The following ZDHHC11 variants were observed in gnomAD, a reference collection of about 807,000 sequenced individuals.
The protein encoded by ZDHHC11 is zDHHC palmitoyltransferase 11.
Under a neutral mutation model 51.3 loss-of-function variants are expected in ZDHHC11, and 44 were observed. The observed-to-expected ratio is 0.86, with a 90% CI of 0.67 to 1.10. The LOEUF (loss-of-function observed/expected upper bound fraction) is 1.10, where lower values mean the gene tolerates loss of function less well. Among genes scored for constraint, ZDHHC11 ranks in the 50% least tolerant of loss-of-function variants. The pLI is 0.00. For missense variants in ZDHHC11, 400 were observed against 537.7 expected, an observed-to-expected ratio of 0.74 and a Z score of 2.53; for synonymous variants, 163 against 222.0, an observed-to-expected ratio of 0.73 and a Z score of 2.36.
At chr5:805,380 G>A (rs1739099029) in intron 11 of ZDHHC11, among the ~76,000 whole-genome samples, 1 of 150,830 alleles carries the variant, frequency 6.6e-6, no homozygotes, top group South Asian at 2.1e-4. Flanking sequence ...GGAGGTTGTA[G>A]TGAGTTATCA....
intron 6 of ZDHHC11, 43 bp from the exon 7 acceptor site, chr5:833,850 T>G: frequency 6.4e-7 from 1 of 1,569,970 alleles, no homozygotes. Flanking sequence ...AAAGAAGTTG[T>G]TGACATGCAG....
intron 6 of ZDHHC11, among the ~76,000 whole-genome samples, chr5:836,474 G>C (rs1214016851): frequency 6.7e-6 from 1 of 150,308 alleles, no homozygotes; most frequent in African/African-American, 2.5e-5. Flanking sequence ...TGAATATCTG[G>C]TTTGGTGTCA....
At chr5:845,608 C>A (rs1460950875) in intron 3 of ZDHHC11, among the ~76,000 whole-genome samples, 6 of 152,150 alleles carry the variant, frequency 3.9e-5, no homozygotes, top group Non-Finnish European at 4.4e-5. Flanking sequence ...ATGCAGCCTC[C>A]CTCACAGGGG....
intron 1 of ZDHHC11, among the ~76,000 whole-genome samples, chr5:856,769 C>G (rs1748315222): frequency 1.3e-5 from 2 of 151,638 alleles, no homozygotes; most frequent in Admixed American, 6.6e-5. Flanking sequence ...GAATACACAC[C>G]ACACACAGCA....
At chr5:818,731 C>T (rs1337848439) in intron 10 of ZDHHC11, among the ~76,000 whole-genome samples, 6 of 151,516 alleles carry the variant, frequency 4.0e-5, no homozygotes, top group African/African-American at 1.5e-4. Context: ...TGTGGTGGCA[C>T]ACGCCTGTAG....
chr5:816,312 G>T (rs1360369071), intron 10 of ZDHHC11: 2 of 312,988 alleles, frequency 6.4e-6, no homozygotes, highest in Middle Eastern at 8.7e-4. Flanking sequence ...AGATCACAAA[G>T]ATATTCTCTG....
At chr5:807,259 A>G (rs979282670) in intron 11 of ZDHHC11, among the ~76,000 whole-genome samples, 3 of 150,892 alleles carry the variant, frequency 2.0e-5, no homozygotes, top group Non-Finnish European at 3.0e-5. Context: ...CTGTTAAAAA[A>G]AAAAATGAAA....
At position 815,338 on chromosome 5, in the gene ZDHHC11, GC is replaced by G. The variant is rs1222988412; in HGVS notation, c.1147-544del. ...CCATGTGTGGTTCCTGCTTGTGGAA[GC>G]TCTAGCAAAGAAAAACACCTGCTAT... On this transcript the variant is annotated intron_variant, in intron 10 of 12. Coordinates refer to ENST00000283441, the MANE Select transcript of ZDHHC11 (RefSeq NM_024786.3). Among the ~76,000 whole-genome samples the G allele has an allele frequency of 8.0e-5, 12 of 149,626 alleles. No homozygotes were observed. The Admixed American group carries it at 8.1e-4, about 10-fold the overall frequency.
In ZDHHC11 at chr5:850,592, C is replaced by T. The variant is rs200545925; in HGVS notation, c.11G>A (p.Arg4His). Reference protein sequence around the residue: MDTRSGSQCSVTPE... With the variant: MDTHSGSQCSVTPE... ...GGTGACGGAACACTGGCTCCCGGAG[C>T]GGGTGTCCATCTGCAGGACACAGAA... is the stretch of plus-strand genomic sequence containing the variant. The change falls in exon 1 of 13, where the codon CGC (arginine) becomes CAC (histidine). Residue 4 changes from arginine (R) to histidine (H), a missense_variant. Physicochemically the swap from Arg to His is conservative, Grantham distance 29 (BLOSUM62 0). This residue lies in a region of ZDHHC11 where 119 missense variants were observed against 99.6 expected (regional missense o/e 1.20). Coordinates refer to ENST00000283441, the MANE Select transcript of ZDHHC11 (RefSeq NM_024786.3). 968 of 1,613,284 alleles carry T rather than the reference C, an allele frequency of 6.0e-4. 6 individuals carry two copies. The highest frequency in any genetic ancestry group is 2.1e-4 in the Non-Finnish European group (242 of 1,179,980).
At chr5:849,191 A>T (rs1452874653) in intron 1 of ZDHHC11, among the ~76,000 whole-genome samples, 5 of 152,188 alleles carry the variant, frequency 3.3e-5, no homozygotes, top group Non-Finnish European at 5.9e-5. Context: ...GCCCTGTGCC[A>T]GTCGGGGACC....
Position 850,425 on chromosome 5 carries a change from A to G in ZDHHC11, c.178T>C (p.Phe60Leu). 1 of 1,613,658 alleles carries G rather than the reference A, an allele frequency of 6.2e-7. No homozygotes were observed. The highest frequency in any genetic ancestry group is 1.3e-5 in the African/African-American group (1 of 75,066). ...CACGCGTGAGGCAGGAAGGGAATGA[A>G]GATCCCGAAGGTGGCCGAGGAAAGG... ...VGLSSATFGI[F>L]IPFLPHAWKY... Residue 60 changes from phenylalanine to leucine, a missense_variant, in exon 1 of 13, where the codon TTC (phenylalanine) becomes CTC (leucine). Phe to Leu is a conservative substitution (Grantham distance 22). This residue lies in a region of ZDHHC11 where 119 missense variants were observed against 99.6 expected (regional missense o/e 1.20). Coordinates refer to ENST00000283441, the MANE Select transcript of ZDHHC11 (RefSeq NM_024786.3).
At chr5:810,317 G>A (rs1241517476) in intron 11 of ZDHHC11, among the ~76,000 whole-genome samples, 1 of 148,300 alleles carries the variant, frequency 6.7e-6, no homozygotes, top group Non-Finnish European at 1.5e-5. Flanking sequence ...GTCTTCACAC[G>A]CGAAATCCTG....
intron 3 of ZDHHC11, among the ~76,000 whole-genome samples, chr5:845,059 G>C (rs181559395): frequency 1.3e-5 from 2 of 152,294 alleles, no homozygotes; most frequent in African/African-American, 4.8e-5. Flanking sequence ...CATGAATGCC[G>C]CAGTCCTCCG....
rs1252368514 is a variant in ZDHHC11, at chr5:848,791, C to T, written c.223-131G>A. 4.5e-6 allele frequency: 6 copies of T among 1,328,326 alleles called. No homozygotes were observed. In the African/African-American group the frequency reaches 7.4e-5, roughly 16 times the overall value. 82.3% of individuals were successfully genotyped at this position (1,328,326 alleles called of 1,614,324 possible). A position where few individuals can be genotyped will look rare whatever the true frequency, so the allele number is the denominator to read the frequency against. On this transcript the variant is annotated intron_variant, in intron 1 of 12. Coordinates refer to ENST00000283441, the MANE Select transcript of ZDHHC11 (RefSeq NM_024786.3). ...CTCACCCAGCCCTGCACACGTGAGC[C>T]CAGCTCACCCAGGCCTGGCCCTGCT...
At position 814,807 on chromosome 5, in the gene ZDHHC11, A is replaced by C; in HGVS notation, c.1147-12T>G. 2.0e-6 allele frequency: 3 copies of C among 1,537,640 alleles called. No individual in the cohort carries two copies. The highest frequency in any genetic ancestry group is 2.6e-6 in the Non-Finnish European group (3 of 1,143,390). On this transcript the variant is annotated splice_polypyrimidine_tract_variant and intron_variant, in intron 10 of 12. Transcript: ENST00000283441. ...GCATCATCTGCTTCCTGTGGGGGGAAGGGATGCAAAATTCATAGGATGAAC... is the reference window on the plus strand; with the variant it reads ...GCATCATCTGCTTCCTGTGGGGGGACGGGATGCAAAATTCATAGGATGAAC...
rs3867418 is a variant in ZDHHC11, at chr5:843,245, C to T, written c.628+355G>A. On this transcript the variant is annotated intron_variant, in intron 4 of 12. Coordinates refer to ENST00000283441, the MANE Select transcript of ZDHHC11 (RefSeq NM_024786.3). ...TGGGCTGCTCCTGCAGGATGGGCAC[C>T]CCCACCCTCCCACAACTACATGGCC... The T allele has an allele frequency of 2.3e-3, 936 of 405,946 alleles. 1 individual carries two copies. Among genetic ancestry groups the T allele is most frequent in the African/African-American group, 0.011 (463 of 43,114 alleles). The allele number at this position is 405,946 out of a possible 1,614,324, so 25.1% of individuals were successfully genotyped here.
chr5:818,695 A>T (rs1301947493), intron 10 of ZDHHC11, among the ~76,000 whole-genome samples: 3 of 151,444 alleles, frequency 2.0e-5, no homozygotes, highest in Non-Finnish European at 4.4e-5. Context: ...CCCATCTCTT[A>T]AGAAATAAGA....
intron 1 of ZDHHC11, among the ~76,000 whole-genome samples, chr5:849,989 AGGCTGCCGACCTGCGGGGCAT>A (rs934673080): frequency 6.6e-6 from 1 of 152,226 alleles, no homozygotes; most frequent in African/African-American, 2.4e-5. Context: ...ATGGAAACGC[AGGCTGCCGACCTGCGGGGCAT>A]GGCGCTGTTC....
intron 1 of ZDHHC11, among the ~76,000 whole-genome samples, chr5:857,473 T>A (rs1017284675): frequency 6.6e-6 from 1 of 151,950 alleles, no homozygotes; most frequent in African/African-American, 2.4e-5. Flanking sequence ...TCTGTGTATA[T>A]GACACCAGGC....
Sources: allele counts gnomAD v4.1 joint callset (sites outside exome capture counted in the v4.1 genomes callset), GRCh38; gene constraint gnomAD v4.1.1; regional missense constraint gnomAD v4.1.1; transcripts MANE v1.5; gene names NCBI Gene and HGNC (gene_info 2026-07-23, HGNC 2026-07-21).